Variants in RALGAPA2 observed in about 807,000 individuals in gnomAD.
RALGAPA2 encodes Ral GTPase activating protein catalytic subunit alpha 2.
Under a neutral mutation model 230.4 loss-of-function variants are expected in RALGAPA2, and 139 were observed. That is an observed-to-expected ratio of 0.60 (90% confidence interval 0.53 to 0.69). RALGAPA2 has a LOEUF of 0.69. Among genes scored for constraint, RALGAPA2 ranks in the 30% least tolerant of loss-of-function variants. The pLI, the probability that RALGAPA2 is intolerant of heterozygous loss-of-function variation, is 0.00. For missense variants in RALGAPA2, 2,163 were observed against 2,276.0 expected, an observed-to-expected ratio of 0.95 and a Z score of 1.01; for synonymous variants, 847 against 837.8, an observed-to-expected ratio of 1.01 and a Z score of -0.19.
intron 1 of RALGAPA2, among the ~76,000 whole-genome samples, chr20:20,695,284 GC>G (rs2146946324): frequency 6.6e-6 from 1 of 152,322 alleles, no homozygotes; most frequent in African/African-American, 2.4e-5. Context: ...ATCTGGAGAA[GC>G]TTTGCTGTTT....
chr20:20,471,212 C>T (rs777467964), intron 37 of RALGAPA2: 4 of 152,020 alleles, frequency 2.6e-5, no homozygotes, highest in Non-Finnish European at 5.9e-5. Context: ...TGAATAGTAT[C>T]CTTTGAACTT....
chr20:20,519,359 T>C (rs1352062916), intron 31 of RALGAPA2, among the ~76,000 whole-genome samples: 1 of 152,200 alleles, frequency 6.6e-6, no homozygotes, highest in Non-Finnish European at 1.5e-5. Context: ...AGCTTGAACC[T>C]TGCTCCAGAC....
intron 16 of RALGAPA2, among the ~76,000 whole-genome samples, chr20:20,601,369 TA>T (rs1282032441): frequency 6.6e-6 from 1 of 152,234 alleles, no homozygotes; most frequent in Non-Finnish European, 1.5e-5. Context: ...ATAGTGCAAC[TA>T]CTGGTGTATT....
intron 24 of RALGAPA2, among the ~76,000 whole-genome samples, chr20:20,540,080 A>G (rs1354497055): frequency 6.6e-6 from 1 of 152,228 alleles, no homozygotes; most frequent in African/African-American, 2.4e-5. Flanking sequence ...GGGAGTGCAG[A>G]TATTTCTTCA....
intron 13 of RALGAPA2, among the ~76,000 whole-genome samples, chr20:20,615,285 C>T (rs540391337): frequency 1.3e-5 from 2 of 151,970 alleles, no homozygotes; most frequent in South Asian, 2.1e-4. Flanking sequence ...CTCAGCCTCC[C>T]GAGTAGCTGG....
rs553575975 is a variant in RALGAPA2 at position 20,398,810 on chromosome 20, T to C, written c.5618-2076A>G. On this transcript the variant is annotated intron_variant, in intron 38 of 39. Transcript: ENST00000202677. The surrounding 1 kb of genome is among the most constrained non-coding windows in gnomAD (Gnocchi z 4.5). Reference sequence around the variant, plus strand: ...TGTTTTAGGCTCTGGGTTACAGTGGTGACCAAAGCAGATGAAACCGCTGCC... The same window carrying C: ...TGTTTTAGGCTCTGGGTTACAGTGGCGACCAAAGCAGATGAAACCGCTGCC... Among the ~76,000 whole-genome samples, 1 of 152,270 alleles carries C rather than the reference T, an allele frequency of 6.6e-6. No individual in the cohort carries two copies. Among genetic ancestry groups the C allele is most frequent in the Admixed American group, 6.5e-5 (1 of 15,296 alleles).
chr20:20,484,577 C>G (rs1394385278), intron 36 of RALGAPA2, among the ~76,000 whole-genome samples: 1 of 152,152 alleles, frequency 6.6e-6, no homozygotes, highest in Non-Finnish European at 1.5e-5. Context: ...AATAGGGCAT[C>G]TCCATGAATA....
rs1483913861 is a variant in RALGAPA2, at chr20:20,695,003, G to T, written c.107-14202C>A. 2.0e-5 allele frequency among the ~76,000 whole-genome samples: 3 copies of T among 152,112 alleles called. No homozygotes were observed. In the East Asian group the frequency reaches 5.8e-4, roughly 29 times the overall value. On this transcript the variant is annotated intron_variant, in intron 1 of 39. Coordinates refer to ENST00000202677, the MANE Select transcript of RALGAPA2 (RefSeq NM_020343.4). ...AGCTGTTTTGGGGGGTACTTCCAGG[G>T]CGTTCGAGAAAGGGATTTTTTTCAA...
chr20:20,446,592 C>G (rs976061710), intron 37 of RALGAPA2, among the ~76,000 whole-genome samples: 1 of 152,188 alleles, frequency 6.6e-6, no homozygotes. Flanking sequence ...AAAGCAAATG[C>G]ATTACTACGC....
intron 27 of RALGAPA2, among the ~76,000 whole-genome samples, chr20:20,527,670 G>A (rs993036008): frequency 6.6e-6 from 1 of 151,462 alleles, no homozygotes; most frequent in East Asian, 2.0e-4. Flanking sequence ...TCCCCTATTA[G>A]ATCTCCTTCA....
At chr20:20,427,625 G>C (rs1010671614) in intron 37 of RALGAPA2, among the ~76,000 whole-genome samples, 1 of 151,956 alleles carries the variant, frequency 6.6e-6, no homozygotes, top group African/African-American at 2.4e-5. Flanking sequence ...GTGCTCCTGG[G>C]CACCGTTACC....
At chr20:20,415,338 C>T (rs1371906225) in intron 37 of RALGAPA2, among the ~76,000 whole-genome samples, 5 of 152,334 alleles carry the variant, frequency 3.3e-5, no homozygotes, top group African/African-American at 4.8e-5. Context: ...GTCACCAATC[C>T]GATCCCTGTT....
At chr20:20,661,903 A>G (rs902017089) in intron 3 of RALGAPA2, among the ~76,000 whole-genome samples, 2 of 152,234 alleles carry the variant, frequency 1.3e-5, no homozygotes, top group African/African-American at 2.4e-5. Context: ...CGATATACCT[A>G]TAATACTTAT....
At chr20:20,644,162 T>G (rs1286003412) in intron 4 of RALGAPA2, among the ~76,000 whole-genome samples, 1 of 152,198 alleles carries the variant, frequency 6.6e-6, no homozygotes, top group Non-Finnish European at 1.5e-5. Flanking sequence ...GACCTCAGTA[T>G]GGAGATGGCA....
intron 4 of RALGAPA2, among the ~76,000 whole-genome samples, chr20:20,644,377 T>A (rs2067141273): frequency 1.3e-5 from 2 of 152,174 alleles, no homozygotes; most frequent in Admixed American, 1.3e-4. Context: ...TATCAAATAA[T>A]ATTTACTCCA....
chr20:20,462,636 T>C (rs2061329152), intron 37 of RALGAPA2, among the ~76,000 whole-genome samples: 1 of 152,194 alleles, frequency 6.6e-6, no homozygotes, highest in Non-Finnish European at 1.5e-5. Flanking sequence ...TGATGGCATT[T>C]GGGTCGTACT....
chr20:20,611,542 G>A (rs2273217), intron 13 of RALGAPA2, 116 bp from the exon 14 acceptor site: 50,570 of 1,430,194 alleles, frequency 0.035, 1,124 homozygotes, highest in African/African-American at 0.088. Flanking sequence ...TGTATTACTC[G>A]AAACTATTAA....
At chr20:20,646,199 C>CA (rs942122628) in intron 4 of RALGAPA2, among the ~76,000 whole-genome samples, 19 of 152,090 alleles carry the variant, frequency 1.2e-4, no homozygotes, top group Admixed American at 9.2e-4. Context: ...AGACTACAGG[C>CA]ATGCGCCACC....
intron 33 of RALGAPA2, among the ~76,000 whole-genome samples, chr20:20,507,969 T>G (rs1325544296): frequency 1.3e-5 from 2 of 152,238 alleles, no homozygotes; most frequent in African/African-American, 4.8e-5. Flanking sequence ...TTTATAGACT[T>G]TACATACATA....
Sources: allele counts gnomAD v4.1 joint callset (sites outside exome capture counted in the v4.1 genomes callset), GRCh38; gene constraint gnomAD v4.1.1; non-coding constraint Gnocchi (gnomAD v3.1); transcripts MANE v1.5; gene names NCBI Gene and HGNC (gene_info 2026-07-23, HGNC 2026-07-21).